FYN: variants seen among roughly 807,000 people sequenced by gnomAD.
FYN encodes tyrosine-protein kinase Fyn.
In FYN, 10 loss-of-function variants were observed where a neutral mutation model predicts 70.2. The ratio of observed to expected loss-of-function variants is 0.14; its 90% CI spans 0.09 to 0.24. The LOEUF (loss-of-function observed/expected upper bound fraction) is 0.24. Among genes scored for constraint, FYN ranks in the 10% least tolerant of loss-of-function variants. FYN has a pLI of 1.00. For missense variants in FYN, 319 were observed against 673.1 expected, an observed-to-expected ratio of 0.47 and a Z score of 5.82; for synonymous variants, 236 against 248.6, an observed-to-expected ratio of 0.95 and a Z score of 0.48.
intron 3 of FYN, 21 bp from the exon 4 acceptor site, chr6:111,720,083 G>A: frequency 1.3e-6 from 2 of 1,562,986 alleles, no homozygotes; most frequent in Non-Finnish European, 1.7e-6. Flanking sequence ...CAAAAAAGGG[G>A]GCACGTAAGC....
At chr6:111,719,705 C>T in intron 4 of FYN, 100 bp downstream of exon 4, 1 of 1,340,548 alleles carries the variant, frequency 7.5e-7, no homozygotes, top group Non-Finnish European at 1.0e-6. Context: ...ACATGTGAAA[C>T]CCCTAGTCAA....
At chr6:111,747,519 A>C (rs1583400793) in intron 3 of FYN, among the ~76,000 whole-genome samples, 2 of 152,344 alleles carry the variant, frequency 1.3e-5, no homozygotes, top group East Asian at 3.9e-4. Context: ...ACCAGACATG[A>C]ACGTGTTCTG....
At chr6:111,725,295 T>C (rs1010069033) in intron 3 of FYN, among the ~76,000 whole-genome samples, 11 of 152,210 alleles carry the variant, frequency 7.2e-5, no homozygotes, top group African/African-American at 2.4e-4. Context: ...GACAGTTGAG[T>C]ACCACATCAG....
chr6:111,873,167 TGCGGCGCGGGCGGC>T lies in FYN; in HGVS notation c.-336_-323del, dbSNP rs1304079667. 2.1e-5 allele frequency: 3 copies of T among 142,922 alleles called. No homozygotes were observed. The highest frequency in any genetic ancestry group is 7.7e-5 in the African/African-American group (3 of 39,072). 8.9% of individuals were successfully genotyped at this position (142,922 alleles called of 1,614,324 possible). Reference sequence around the variant, plus strand: ...GGCGCGGGCGGCGGCCGCCGGGCGGTGCGGCGCGGGCGGCGGCTTTGTGTGCGCCCGGGCGGTCC... The same window carrying T: ...GGCGCGGGCGGCGGCCGCCGGGCGGTGGCTTTGTGTGCGCCCGGGCGGTCC... On this transcript the variant is annotated 5_prime_UTR_variant, in exon 1 of 14. Coordinates refer to ENST00000354650, the MANE Select transcript of FYN (RefSeq NM_002037.5).
intron 3 of FYN, among the ~76,000 whole-genome samples, chr6:111,763,445 G>A (rs188451819): frequency 2.9e-4 from 44 of 152,282 alleles, no homozygotes; most frequent in Non-Finnish European, 5.1e-4. Flanking sequence ...ATTCAACCAA[G>A]TCTCAAAGCT....
At chr6:111,837,360 A>C (rs1229570362) in intron 2 of FYN, among the ~76,000 whole-genome samples, 1 of 151,480 alleles carries the variant, frequency 6.6e-6, no homozygotes, top group Non-Finnish European at 1.5e-5. Flanking sequence ...CATTTCCCCT[A>C]CTCCTACTCT....
intron 2 of FYN, among the ~76,000 whole-genome samples, chr6:111,789,863 T>C (rs920532505): frequency 2.0e-5 from 3 of 152,162 alleles, no homozygotes; most frequent in African/African-American, 7.2e-5. Context: ...TCCAACCGGA[T>C]TACTACTCCC....
At chr6:111,699,216 G>A (rs921892278) in intron 9 of FYN, among the ~76,000 whole-genome samples, 2 of 152,170 alleles carry the variant, frequency 1.3e-5, no homozygotes, top group Non-Finnish European at 2.9e-5. Flanking sequence ...AAACGTCCAT[G>A]GTCTTTCTTA....
At chr6:111,826,512 T>C (rs994470714) in intron 2 of FYN, among the ~76,000 whole-genome samples, 1 of 152,032 alleles carries the variant, frequency 6.6e-6, no homozygotes, top group African/African-American at 2.4e-5. Context: ...TCCAAAAACA[T>C]GACTAATTTC....
chr6:111,739,033 T>C (rs1200064164), intron 3 of FYN, among the ~76,000 whole-genome samples: 1 of 152,166 alleles, frequency 6.6e-6, no homozygotes, highest in Admixed American at 6.5e-5. Context: ...TCCCCATCCC[T>C]ACATGAAGCC....
rs73766715 is a variant in FYN, at chr6:111,731,526, C to T, written c.-11-11464G>A. Reference sequence around the variant, plus strand: ...TTGAAGAATAACATGAAGCCCAGTCCCCCGGCCCCTGGGTCTTTGTGTTGG... The same window carrying T: ...TTGAAGAATAACATGAAGCCCAGTCTCCCGGCCCCTGGGTCTTTGTGTTGG... On this transcript the variant is annotated intron_variant, in intron 3 of 13. Transcript: ENST00000354650. Among the ~76,000 whole-genome samples the T allele has an allele frequency of 2.4e-3, 363 of 152,286 alleles. 1 individual carries two copies. Among genetic ancestry groups the T allele is most frequent in the African/African-American group, 8.5e-3 (355 of 41,546 alleles).
chr6:111,719,843 G>A lies in FYN; in HGVS notation c.209C>T (p.Ser70Leu), dbSNP rs762290632. Reference protein sequence around the residue: ...GLTVFGGVNSSSHTGTLRTRG... With the variant: ...GLTVFGGVNSLSHTGTLRTRG... ...CGTACGCAAGGTCCCCGTATGAGAC[G>A]AAGAGTTCACACCTCCAAAGACGGT... Residue 70 changes from serine (S) to leucine (L), a missense_variant, in exon 4 of 14, where the codon TCG (serine) becomes TTG (leucine). Physicochemically the swap from Ser to Leu is moderately radical, Grantham distance 145. This residue lies in a region of FYN where 128 missense variants were observed against 183.9 expected (regional missense o/e 0.70). Transcript: ENST00000354650. 71 of 1,614,194 alleles carry A rather than the reference G, an allele frequency of 4.4e-5. No homozygotes were observed. In the Middle Eastern group the frequency reaches 4.9e-4, roughly 11 times the overall value.
At chr6:111,682,480 T>C (rs1798818555) in intron 12 of FYN, among the ~76,000 whole-genome samples, 2 of 152,248 alleles carry the variant, frequency 1.3e-5, no homozygotes, top group East Asian at 3.8e-4. Context: ...AGTTACTTCC[T>C]GTTCTTTATG....
chr6:111,872,361 G>C (rs553621552), intron 1 of FYN, among the ~76,000 whole-genome samples: 2 of 147,068 alleles, frequency 1.4e-5, no homozygotes, highest in African/African-American at 5.0e-5. Context: ...GGGGGACAGA[G>C]GAAGAGGAGG....
At chr6:111,768,383 C>T (rs1012182321) in intron 3 of FYN, among the ~76,000 whole-genome samples, 1 of 152,210 alleles carries the variant, frequency 6.6e-6, no homozygotes, top group African/African-American at 2.4e-5. Context: ...AGTCAATATA[C>T]TCCTCATGGT....
intron 2 of FYN, chr6:111,794,030 G>T (rs1325436150): frequency 6.6e-6 from 1 of 152,336 alleles, no homozygotes; most frequent in Non-Finnish European, 1.5e-5. Context: ...TGGGGACTGT[G>T]GAGACCTCAC....
chr6:111,862,968 C>A (rs1284116214), intron 1 of FYN, among the ~76,000 whole-genome samples: 1 of 152,212 alleles, frequency 6.6e-6, no homozygotes, highest in Admixed American at 6.5e-5. Flanking sequence ...TCTGGCTAAC[C>A]AAGCATTAGC....
intron 6 of FYN, among the ~76,000 whole-genome samples, chr6:111,706,516 A>C (rs1238503745): frequency 2.0e-5 from 3 of 152,218 alleles, no homozygotes; most frequent in Admixed American, 2.0e-4. Flanking sequence ...CTAGTACGTC[A>C]ATTATTTGTG....
In FYN at chr6:111,769,627, G is replaced by A. The variant is rs554557029; in HGVS notation, c.-12+10939C>T. Among the ~76,000 whole-genome samples the A allele has an allele frequency of 4.6e-5, 7 of 152,220 alleles. No individual in the cohort carries two copies. The East Asian group carries it at 1.4e-3, about 29-fold the overall frequency. ...AGAGGTATAACTGGTATAAAAAACA[G>A]ACACAAGGCCTGCTTGTTCTGCTGT... On this transcript the variant is annotated intron_variant, in intron 3 of 13. Transcript: ENST00000354650.
Sources: gnomAD v4.1 joint callset for allele counts (sites outside exome capture counted in the v4.1 genomes callset) on GRCh38, gnomAD v4.1.1 for gene constraint, gnomAD v4.1.1 regional missense constraint, MANE v1.5 for transcripts, NCBI Gene and HGNC (gene_info 2026-07-23, HGNC 2026-07-21) for gene names.